Variants in SLC44A5 observed in about 807,000 individuals in gnomAD.
SLC44A5 encodes choline transporter-like protein 5.
A neutral mutation model predicts 101.8 loss-of-function variants in SLC44A5; 57 were observed. The ratio of observed to expected loss-of-function variants is 0.56; its 90% CI spans 0.45 to 0.70. The LOEUF (loss-of-function observed/expected upper bound fraction) is 0.70. Among genes scored for constraint, SLC44A5 ranks in the 30% least tolerant of loss-of-function variants. SLC44A5 has a pLI of 0.00. For synonymous variants in SLC44A5, 281 were observed against 290.9 expected, an observed-to-expected ratio of 0.97 and a Z score of 0.35; for missense variants, 737 against 853.1, an observed-to-expected ratio of 0.86 and a Z score of 1.70.
chr1:75,700,759 G>C, the SLC44A5 span, among the ~76,000 whole-genome samples: 9 of 152,000 alleles, frequency 5.9e-5, no homozygotes, highest in Admixed American at 5.2e-4. Flanking sequence ...TAGACTGCTA[G>C]CAAGACTAAT....
Position 75,398,312 on chromosome 1 carries a change from A to AT in SLC44A5, c.14-1692dup, listed in dbSNP as rs922410445. 17 of 919,154 alleles carry AT rather than the reference A, an allele frequency of 1.8e-5. No homozygotes were observed. The African/African-American group carries it at 2.9e-4, about 15-fold the overall frequency. The allele number at this position is 919,154 out of a possible 1,614,324, so 56.9% of individuals were successfully genotyped here. On this transcript the variant is annotated intron_variant, in intron 2 of 23. Transcript: ENST00000370859. ...CCTCTGCCTCCAGCCCTCTACTCCAATTTTCTCCAGCTCCCTCAGCTATAT... is the reference window on the plus strand; with the variant it reads ...CCTCTGCCTCCAGCCCTCTACTCCAATTTTTCTCCAGCTCCCTCAGCTATAT...
intron 2 of SLC44A5, among the ~76,000 whole-genome samples, chr1:75,433,756 T>C (rs1340021904): frequency 1.3e-5 from 2 of 152,196 alleles, no homozygotes; most frequent in Non-Finnish European, 2.9e-5. Context: ...TGTATTTGTT[T>C]GTTTTCACAC....
At chr1:75,619,078 A>AGG in the SLC44A5 span, among the ~76,000 whole-genome samples, 1 of 10,184 alleles carries the variant, frequency 9.8e-5, no homozygotes, top group African/African-American at 2.7e-4. Context: ...CTCAAAAAAA[A>AGG]AGGGGGGGGG....
intron 6 of SLC44A5, among the ~76,000 whole-genome samples, chr1:75,252,538 AC>A (rs1377775504): frequency 6.6e-6 from 1 of 152,208 alleles, no homozygotes; most frequent in Non-Finnish European, 1.5e-5. Flanking sequence ...AACTCTCCCT[AC>A]AATCCTCACT....
the SLC44A5 span, among the ~76,000 whole-genome samples, chr1:75,620,510 A>T: frequency 6.6e-6 from 1 of 151,962 alleles, no homozygotes; most frequent in South Asian, 2.1e-4. Flanking sequence ...TTCCTTTTTA[A>T]TGATCACCAT....
upstream of SLC44A5, among the ~76,000 whole-genome samples, chr1:75,611,576 G>T (rs137923057): frequency 5.0e-3 from 758 of 152,198 alleles, 5 homozygotes; most frequent in African/African-American, 0.017. Flanking sequence ...CATTTGTGAG[G>T]TCTGTAATCC....
chr1:75,249,205 T>C (rs559675979), intron 7 of SLC44A5, among the ~76,000 whole-genome samples: 85 of 151,816 alleles, frequency 5.6e-4, no homozygotes, highest in African/African-American at 2.0e-3. Context: ...TTGAGGGAGA[T>C]GAGGAAGCAA....
the SLC44A5 span, among the ~76,000 whole-genome samples, chr1:75,679,246 C>G: frequency 6.6e-6 from 1 of 152,096 alleles, no homozygotes; most frequent in Non-Finnish European, 1.5e-5. Context: ...CGTTCAGATT[C>G]AGAAAACACA....
chr1:75,680,188 C>T, the SLC44A5 span, among the ~76,000 whole-genome samples: 1 of 152,168 alleles, frequency 6.6e-6, no homozygotes, highest in South Asian at 2.1e-4. Flanking sequence ...CCACTGTCAA[C>T]ATTAGACAGA....
intron 7 of SLC44A5, 78 bp downstream of exon 7, chr1:75,251,132 C>T: frequency 4.2e-6 from 5 of 1,180,472 alleles, no homozygotes; most frequent in Non-Finnish European, 5.0e-6. Context: ...ACAGAGAACT[C>T]AAATGGAATT....
chr1:75,478,309 T>C (rs1015535648), intron 2 of SLC44A5, among the ~76,000 whole-genome samples: 5 of 152,156 alleles, frequency 3.3e-5, no homozygotes, highest in Non-Finnish European at 7.3e-5. Flanking sequence ...TGCCAAATTG[T>C]AAAGACCATC....
In SLC44A5 at chr1:75,380,840, G is replaced by A. The variant is rs557032751; in HGVS notation, c.52+15743C>T. 3.7e-5 allele frequency among the ~76,000 whole-genome samples: 3 copies of A among 81,956 alleles called. 1 individual carries two copies. In the South Asian group the frequency reaches 1.1e-3, roughly 31 times the overall value. The allele number at this position is 81,956 out of a possible 152,430, so 53.8% of individuals were successfully genotyped here. ...GTTAATGATAGTGAATGGGTACCTG[G>A]CCCCACAGATGATCGCTGCCCTGCC... On this transcript the variant is annotated intron_variant, in intron 3 of 23. Transcript: ENST00000370859.
Position 75,512,043 on chromosome 1 carries a change from T to C in SLC44A5, c.13+29392A>G, listed in dbSNP as rs150606411. On this transcript the variant is annotated intron_variant, in intron 2 of 23. Coordinates refer to ENST00000370859, the MANE Select transcript of SLC44A5 (RefSeq NM_001130058.2). ...GTCCTGTGCTAAGTCCACAGAGCAA[T>C]CAAGTTGATGTGCTATAGCTTGGCC... Among the ~76,000 whole-genome samples, 241 of 152,282 alleles carry C rather than the reference T, an allele frequency of 1.6e-3. 1 individual carries two copies. Among genetic ancestry groups the C allele is most frequent in the African/African-American group, 5.3e-3 (219 of 41,548 alleles).
chr1:75,589,142 T>C (rs538366331), intron 1 of SLC44A5, among the ~76,000 whole-genome samples: 14 of 152,106 alleles, frequency 9.2e-5, no homozygotes, highest in Admixed American at 2.6e-4. Context: ...TTCTAGACAA[T>C]AAAAGAAAGA....
chr1:75,277,694 C>T (rs1652044179), intron 5 of SLC44A5, among the ~76,000 whole-genome samples: 1 of 145,422 alleles, frequency 6.9e-6, no homozygotes, highest in East Asian at 2.0e-4. Context: ...GGAGAAGGAG[C>T]ATATCTGATT....
the SLC44A5 span, among the ~76,000 whole-genome samples, chr1:75,624,363 A>G: frequency 6.6e-6 from 1 of 152,192 alleles, no homozygotes; most frequent in African/African-American, 2.4e-5. Flanking sequence ...TGAAATCAAC[A>G]GATGCCAGAA....
chr1:75,660,202 T>G, the SLC44A5 span, among the ~76,000 whole-genome samples: 1 of 152,022 alleles, frequency 6.6e-6, no homozygotes. Flanking sequence ...AGCAAGATTC[T>G]GTCAGAAAAA....
chr1:75,622,311 T>C, the SLC44A5 span, among the ~76,000 whole-genome samples: 1 of 152,082 alleles, frequency 6.6e-6, no homozygotes, highest in South Asian at 2.1e-4. Context: ...CTACTATTAC[T>C]ACTAGCAATT....
At chr1:75,715,243 C>T in the SLC44A5 span, among the ~76,000 whole-genome samples, 12 of 152,076 alleles carry the variant, frequency 7.9e-5, no homozygotes, top group Admixed American at 1.3e-4. Flanking sequence ...AGATTCAATG[C>T]TATTCCTGTC....
Sources: gnomAD v4.1 joint callset for allele counts (sites outside exome capture counted in the v4.1 genomes callset) on GRCh38, gnomAD v4.1.1 for gene constraint, MANE v1.5 for transcripts, NCBI Gene and HGNC (gene_info 2026-07-23, HGNC 2026-07-21) for gene names.